Variants in OTUD3 observed in about 807,000 individuals in gnomAD.
The protein encoded by OTUD3 is OTU deubiquitinase 3.
OTUD3 carries 24 observed loss-of-function variants against 46.2 expected under a neutral mutation model. The ratio of observed to expected loss-of-function variants is 0.52; its 90% CI spans 0.38 to 0.73. The LOEUF is 0.73. Among genes scored for constraint, OTUD3 ranks in the 30% least tolerant of loss-of-function variants. The probability of loss-of-function intolerance (pLI) is 0.00; values close to 1 mark genes in which losing one functional copy is unlikely to be tolerated. For synonymous variants in OTUD3, 189 were observed against 195.4 expected (o/e 0.97, Z 0.27); for missense variants, 455 against 523.3 (o/e 0.87, Z 1.27).
intron 1 of OTUD3, among the ~76,000 whole-genome samples, chr1:19,887,387 G>A (rs900326653): frequency 6.6e-6 from 1 of 152,056 alleles, no homozygotes; most frequent in African/African-American, 2.4e-5. Context: ...CCCGGCTGAT[G>A]ATCTCTCATA....
chr1:19,905,804 C>A (rs1212989977), intron 6 of OTUD3, among the ~76,000 whole-genome samples: 1 of 152,140 alleles, frequency 6.6e-6, no homozygotes, highest in Non-Finnish European at 1.5e-5. Flanking sequence ...AAAATGATAT[C>A]AATAAATACT....
At chr1:19,887,822 C>A (rs936893158) in intron 1 of OTUD3, among the ~76,000 whole-genome samples, 1 of 152,118 alleles carries the variant, frequency 6.6e-6, no homozygotes, top group Non-Finnish European at 1.5e-5. Context: ...TAGAATGGTA[C>A]CCAGTACCCT....
intron 3 of OTUD3, among the ~76,000 whole-genome samples, chr1:19,897,106 A>G (rs191434214): frequency 1.1e-3 from 167 of 152,292 alleles, no homozygotes; most frequent in African/African-American, 3.9e-3. Flanking sequence ...AAGTTCTACC[A>G]GTTTTATATT....
intron 3 of OTUD3, among the ~76,000 whole-genome samples, chr1:19,897,171 C>T (rs1449174070): frequency 6.6e-6 from 1 of 151,950 alleles, no homozygotes; most frequent in African/African-American, 2.4e-5. Context: ...GTTAGGGCTT[C>T]AAGCTCAACA....
intron 4 of OTUD3, among the ~76,000 whole-genome samples, chr1:19,899,917 A>G (rs1438866073): frequency 1.3e-5 from 2 of 151,674 alleles, no homozygotes; most frequent in South Asian, 2.1e-4. Flanking sequence ...TTTTTTTCCT[A>G]TTAAGTTGTC....
intron 4 of OTUD3, among the ~76,000 whole-genome samples, chr1:19,898,786 T>C (rs987018569): frequency 6.6e-6 from 1 of 152,114 alleles, no homozygotes; most frequent in South Asian, 2.1e-4. Flanking sequence ...TTTTTACACA[T>C]GATCCAAAAC....
At chr1:19,905,813 CT>C (rs2045652344) in intron 6 of OTUD3, among the ~76,000 whole-genome samples, 1 of 152,224 alleles carries the variant, frequency 6.6e-6, no homozygotes, top group Non-Finnish European at 1.5e-5. Flanking sequence ...TCAATAAATA[CT>C]GATTGCCAGA....
chr1:19,890,484 G>A lies in OTUD3; in HGVS notation c.321G>A (p.Arg107=). The A allele has an allele frequency of 6.2e-7, 1 of 1,613,930 alleles. No homozygotes were observed. Among genetic ancestry groups the A allele is most frequent in the Non-Finnish European group, 8.5e-7 (1 of 1,179,812 alleles). The change falls in exon 2 of 8, where the codon CGG becomes CGA. Residue 107 remains arginine (R), a synonymous_variant. Coordinates refer to ENST00000375120, the MANE Select transcript of OTUD3 (RefSeq NM_015207.2). ...CAGTGGACTACATGATAAAGCAGCG[G>A]GAAGATTTTGAACCCTTTGTAGAAG... ...QETVDYMIKQ[R]EDFEPFVEDD...
In OTUD3 at chr1:19,882,645, C is replaced by T. The variant is rs1262198214; in HGVS notation, c.132C>T (p.Gly44=). The T allele has an allele frequency of 7.0e-7, 1 of 1,435,796 alleles. No individual in the cohort carries two copies. Among genetic ancestry groups the T allele is most frequent in the East Asian group, 3.0e-5 (1 of 32,894 alleles). 88.9% of individuals were successfully genotyped at this position (1,435,796 alleles called of 1,614,324 possible). Residue 44 remains glycine, a synonymous_variant, in exon 1 of 8, where the codon GGC becomes GGT. Transcript: ENST00000375120. ...AKERRNRPES[G]GGGGCEEEFV... is the part of the protein sequence containing the mutation. ...AGCGGCGGAATCGGCCGGAGTCTGG[C>T]GGCGGCGGCGGCTGCGAGGAGGAGT...
At chr1:19,887,741 A>T (rs2045387762) in intron 1 of OTUD3, among the ~76,000 whole-genome samples, 1 of 152,108 alleles carries the variant, frequency 6.6e-6, no homozygotes, top group Admixed American at 6.5e-5. Context: ...GCCAAACATC[A>T]CTAGTAGTTC....
chr1:19,890,576 T>C (rs776142181), intron 2 of OTUD3, 43 bp downstream of exon 2: 10 of 1,582,468 alleles, frequency 6.3e-6, no homozygotes, highest in South Asian at 5.5e-5. Context: ...GAGTAATGCA[T>C]TGGGTAATTA....
chr1:19,897,420 C>T lies in OTUD3; in HGVS notation c.484-120C>T, dbSNP rs878953084. 8 of 928,576 alleles carry T rather than the reference C, an allele frequency of 8.6e-6. No homozygotes were observed. The South Asian group carries it at 1.1e-4, about 12-fold the overall frequency. The allele number at this position is 928,576 out of a possible 1,614,324, so 57.5% of individuals were successfully genotyped here. On this transcript the variant is annotated intron_variant, in intron 3 of 7. Transcript: ENST00000375120. ...GCTTGTGACATATCCCAGGTGTGTT[C>T]CCAATTAGTGTCTCATAGACCTGCT...
chr1:19,882,805 G>C (rs2045289541), intron 1 of OTUD3, 71 bp downstream of exon 1: 1 of 1,220,768 alleles, frequency 8.2e-7, no homozygotes, highest in East Asian at 3.2e-5. Context: ...ACCGTTGCCC[G>C]CTCGCGTCCA....
Position 19,908,523 on chromosome 1 carries a change from C to G in OTUD3, c.*777C>G, listed in dbSNP as rs1473549410. ...CTGACAGTGGGGAGATGGCATGTTA[C>G]TGCTTGTGATACAGTTCTGGAATTC... On this transcript the variant is annotated 3_prime_UTR_variant, in exon 8 of 8. Transcript: ENST00000375120. The G allele has an allele frequency of 2.6e-5, 4 of 152,334 alleles. No homozygotes were observed. Among genetic ancestry groups the G allele is most frequent in the African/African-American group, 4.8e-5 (2 of 41,434 alleles). 9.4% of individuals were successfully genotyped at this position (152,334 alleles called of 1,614,324 possible).
chr1:19,887,087 T>C (rs1368190056), intron 1 of OTUD3, among the ~76,000 whole-genome samples: 3 of 150,020 alleles, frequency 2.0e-5, no homozygotes, highest in African/African-American at 7.3e-5. Flanking sequence ...TTTTTCTTTT[T>C]TTTTTTTTTT....
chr1:19,905,696 G>A (rs532489758), intron 6 of OTUD3, among the ~76,000 whole-genome samples: 7 of 152,058 alleles, frequency 4.6e-5, no homozygotes, highest in Non-Finnish European at 1.0e-4. Context: ...AGCTAAGATC[G>A]CACCATTGCA....
At position 19,890,389 on chromosome 1, in the gene OTUD3, T is replaced by G. The variant is rs2045430228; in HGVS notation, c.226T>G (p.Cys76Gly). Residue 76 changes from cysteine (C) to glycine (G), a missense_variant, in exon 2 of 8, where the codon TGC becomes GGC. Cys to Gly is a radical substitution (Grantham distance 159). Transcript: ENST00000375120. ...KLREVPGDGNCLFRALGDQLE... is the reference protein window; with the variant it reads ...KLREVPGDGNGLFRALGDQLE... ...CTCGTGTTGTTGTTTTGACAGCAAT[T>G]GCTTGTTCAGAGCTCTTGGTGATCA... The G allele has an allele frequency of 3.1e-6, 5 of 1,613,748 alleles. No individual in the cohort carries two copies. Among genetic ancestry groups the G allele is most frequent in the African/African-American group, 1.3e-5 (1 of 74,914 alleles).
chr1:19,910,086 G>T lies in OTUD3; in HGVS notation c.*2340G>T, dbSNP rs1287783186. On this transcript the variant is annotated 3_prime_UTR_variant, in exon 8 of 8. Coordinates refer to ENST00000375120, the MANE Select transcript of OTUD3 (RefSeq NM_015207.2). ...TACATGAGAAGGTTGGAATCAACAT[G>T]CTTAGTTGCCTCAGTGGGCACTTGA... 1 of 152,382 alleles carries T rather than the reference G, an allele frequency of 6.6e-6. No homozygotes were observed. Among genetic ancestry groups the T allele is most frequent in the African/African-American group, 2.4e-5 (1 of 41,450 alleles). The allele number at this position is 152,382 out of a possible 1,614,324, so 9.4% of individuals were successfully genotyped here.
intron 1 of OTUD3, among the ~76,000 whole-genome samples, chr1:19,886,831 C>T (rs1483651717): frequency 2.0e-5 from 3 of 152,188 alleles, no homozygotes; most frequent in Non-Finnish European, 4.4e-5. Context: ...TTTCTAACAA[C>T]TGCCCAGGGG....
Sources: gnomAD v4.1 joint callset for allele counts (sites outside exome capture counted in the v4.1 genomes callset) on GRCh38, gnomAD v4.1.1 for gene constraint, MANE v1.5 for transcripts, NCBI Gene and HGNC (gene_info 2026-07-23, HGNC 2026-07-21) for gene names.